Variants in SDK1 observed in about 807,000 individuals in gnomAD.
SDK1 encodes the protein sidekick cell adhesion molecule 1.
Under a neutral mutation model 245.5 loss-of-function variants are expected in SDK1, and 157 were observed. The observed-to-expected ratio is 0.64, with a 90% CI of 0.56 to 0.73. The LOEUF is 0.73. Ranked by LOEUF, SDK1 falls within the 30% of genes least tolerant of loss-of-function variation. The pLI is 0.00. For synonymous variants in SDK1, 1,647 were observed against 1,278.5 expected (o/e 1.29, Z -6.15); for missense variants, 3,583 against 3,002.3 (o/e 1.19, Z -4.52).
intron 14 of SDK1, among the ~76,000 whole-genome samples, chr7:4,006,452 C>T (rs1285859910): frequency 6.6e-6 from 1 of 152,174 alleles, no homozygotes; most frequent in Non-Finnish European, 1.5e-5. Flanking sequence ...ATCCTGTGGC[C>T]CTCTTCTGTG....
intron 5 of SDK1, among the ~76,000 whole-genome samples, chr7:3,944,105 A>G (rs936227059): frequency 6.6e-6 from 1 of 152,240 alleles, no homozygotes; most frequent in Non-Finnish European, 1.5e-5. Flanking sequence ...TTTGCTTAAC[A>G]GAGCACAACC....
chr7:3,963,829 G>A (rs957843617), intron 9 of SDK1, among the ~76,000 whole-genome samples: 8 of 151,798 alleles, frequency 5.3e-5, no homozygotes, highest in Non-Finnish European at 1.0e-4. Context: ...CCAGGCCGAC[G>A]GCTACCCAGA....
chr7:3,881,610 T>C (rs548042558), intron 5 of SDK1, among the ~76,000 whole-genome samples: 1 of 152,302 alleles, frequency 6.6e-6, no homozygotes, highest in East Asian at 1.9e-4. Flanking sequence ...TTTATATTCA[T>C]TTGGTTATAT....
In SDK1 at chr7:4,268,577, C is replaced by G; in HGVS notation, c.*3193C>G. The G allele has an allele frequency of 7.4e-7, 1 of 1,348,138 alleles. No individual in the cohort carries two copies. Among genetic ancestry groups the G allele is most frequent in the Non-Finnish European group, 9.9e-7 (1 of 1,011,802 alleles). The allele number at this position is 1,348,138 out of a possible 1,614,324, so 83.5% of individuals were successfully genotyped here. Reference sequence around the variant, plus strand: ...AGGTGGCTCACTCTGTACAGGTCTTCGGAGGCCGTGTTTGTATCTAACTGT... The same window carrying G: ...AGGTGGCTCACTCTGTACAGGTCTTGGGAGGCCGTGTTTGTATCTAACTGT... On this transcript the variant is annotated 3_prime_UTR_variant, in exon 45 of 45. Coordinates refer to ENST00000404826, the MANE Select transcript of SDK1 (RefSeq NM_152744.4).
chr7:3,406,834 G>A (rs67924867), intron 1 of SDK1, among the ~76,000 whole-genome samples: 24,724 of 152,122 alleles, frequency 0.16, 3,261 homozygotes, highest in African/African-American at 0.36. Context: ...ATGAATTTAG[G>A]AAGTTAATTG....
intron 4 of SDK1, among the ~76,000 whole-genome samples, chr7:3,706,826 A>G (rs775051262): frequency 6.6e-5 from 10 of 152,144 alleles, no homozygotes; most frequent in Non-Finnish European, 1.2e-4. Context: ...CATTTCCTCC[A>G]GATTTTCTAA....
intron 40 of SDK1, 125 bp from the exon 41 acceptor site, chr7:4,233,130 C>T (rs766385720): frequency 1.2e-5 from 10 of 825,430 alleles, no homozygotes; most frequent in Non-Finnish European, 1.9e-5. Flanking sequence ...ACTCACTCCG[C>T]ATCCAGTGCC....
chr7:4,206,216 T>C (rs940356429), intron 36 of SDK1, among the ~76,000 whole-genome samples: 9 of 152,244 alleles, frequency 5.9e-5, no homozygotes, highest in African/African-American at 2.2e-4. Context: ...CACCTGGCTG[T>C]GCCCACCACA....
intron 4 of SDK1, among the ~76,000 whole-genome samples, chr7:3,647,937 T>C (rs1047165636): frequency 6.6e-6 from 1 of 152,148 alleles, no homozygotes; most frequent in Non-Finnish European, 1.5e-5. Context: ...AAAAAATATC[T>C]TGGAAAGACG....
At chr7:3,823,781 C>T (rs1193516048) in intron 5 of SDK1, among the ~76,000 whole-genome samples, 3 of 152,102 alleles carry the variant, frequency 2.0e-5, no homozygotes, top group African/African-American at 7.2e-5. Context: ...ACAAAACCTA[C>T]ATTTTGTTCC....
intron 36 of SDK1, among the ~76,000 whole-genome samples, chr7:4,207,601 T>A (rs1045060596): frequency 1.3e-5 from 2 of 152,128 alleles, no homozygotes; most frequent in African/African-American, 4.8e-5. Context: ...ATGTCGGCTC[T>A]GAATAAAATG....
rs546299329 is a variant in SDK1, at chr7:4,139,413, A to ATGTG, written c.4229-6299_4229-6296dup. The stretch of plus-strand genomic sequence containing the variant: ...TGTGTGTGTATATGTGTGTGTGTAT[A>ATGTG]TGTGTGTGTGTGTATGTATATATGT... On this transcript the variant is annotated intron_variant, in intron 28 of 44. Coordinates refer to ENST00000404826, the MANE Select transcript of SDK1 (RefSeq NM_152744.4). Among the ~76,000 whole-genome samples, 176 of 147,574 alleles carry ATGTG rather than the reference A, an allele frequency of 1.2e-3. 6 individuals are homozygous for ATGTG. Among genetic ancestry groups the ATGTG allele is most frequent in the African/African-American group, 4.3e-3 (170 of 39,802 alleles).
At chr7:3,799,331 T>C (rs1259113009) in intron 4 of SDK1, among the ~76,000 whole-genome samples, 1 of 151,938 alleles carries the variant, frequency 6.6e-6, no homozygotes, top group Admixed American at 6.6e-5. Context: ...TTCTTTCCAT[T>C]TTCCCAGTTA....
rs1045710771 is a variant in SDK1 at position 3,301,918 on chromosome 7, C to T, written c.298+34C>T. The T allele has an allele frequency of 1.8e-5, 20 of 1,126,856 alleles. No individual in the cohort carries two copies. In the African/African-American group the frequency reaches 2.8e-4, roughly 16 times the overall value. The allele number at this position is 1,126,856 out of a possible 1,614,324, so 69.8% of individuals were successfully genotyped here. A position where few individuals can be genotyped will look rare whatever the true frequency, so the allele number is the denominator to read the frequency against. On this transcript the variant is annotated intron_variant, in intron 1 of 44. Transcript: ENST00000404826. ...GCGCGGGGTCGCGGGCCGGGGGCGTCGCCTCGGGGCGCGGAGGCGCGAACT... is the reference window on the plus strand; with the variant it reads ...GCGCGGGGTCGCGGGCCGGGGGCGTTGCCTCGGGGCGCGGAGGCGCGAACT...
chr7:4,177,431 C>T (rs922767148), intron 34 of SDK1, among the ~76,000 whole-genome samples: 2 of 152,230 alleles, frequency 1.3e-5, no homozygotes, highest in Non-Finnish European at 2.9e-5. Context: ...TGGCCCCCTG[C>T]CCTAAGGAGT....
At chr7:4,128,651 C>T (rs1378978907) in intron 26 of SDK1, among the ~76,000 whole-genome samples, 1 of 134,580 alleles carries the variant, frequency 7.4e-6, no homozygotes, top group Non-Finnish European at 1.6e-5. Flanking sequence ...TGGAATAGAG[C>T]AGCTTGGGGT....
intron 1 of SDK1, among the ~76,000 whole-genome samples, chr7:3,512,926 T>G (rs1466105955): frequency 2.6e-5 from 4 of 152,130 alleles, no homozygotes; most frequent in Non-Finnish European, 5.9e-5. Context: ...TCTTAGAAAT[T>G]TTGGTTCTTT....
At chr7:3,389,361 C>A (rs1028460887) in intron 1 of SDK1, among the ~76,000 whole-genome samples, 1 of 152,026 alleles carries the variant, frequency 6.6e-6, no homozygotes, top group African/African-American at 2.4e-5. Flanking sequence ...GGATATTTAA[C>A]TAAAGAGAAG....
chr7:3,619,963 G>A (rs1205489265), intron 2 of SDK1, among the ~76,000 whole-genome samples: 1 of 152,186 alleles, frequency 6.6e-6, no homozygotes, highest in Non-Finnish European at 1.5e-5. Flanking sequence ...TACTTTTGAG[G>A]ATGATAATAT....
Sources: gnomAD v4.1 joint callset for allele counts (sites outside exome capture counted in the v4.1 genomes callset) on GRCh38, gnomAD v4.1.1 for gene constraint, MANE v1.5 for transcripts, NCBI Gene and HGNC (gene_info 2026-07-23, HGNC 2026-07-21) for gene names.